The following KCNIP1 variants were observed in gnomAD, a reference collection of about 807,000 sequenced individuals.
KCNIP1 encodes potassium voltage-gated channel interacting protein 1, also known as A-type potassium channel modulatory protein KCNIP1.
KCNIP1 carries 18 observed loss-of-function variants against 33.0 expected under a neutral mutation model. The observed-to-expected ratio is 0.55, with a 90% CI of 0.38 to 0.81. The LOEUF (loss-of-function observed/expected upper bound fraction) is 0.81. Among genes scored for constraint, KCNIP1 ranks in the 30% least tolerant of loss-of-function variants. The pLI is 0.00. For missense variants in KCNIP1, 238 were observed against 271.6 expected (o/e 0.88, Z 0.87); for synonymous variants, 93 against 98.3 (o/e 0.95, Z 0.32).
chr5:170,680,092 G>T (rs1171838819), intron 1 of KCNIP1, among the ~76,000 whole-genome samples: 1 of 152,154 alleles, frequency 6.6e-6, no homozygotes, highest in Non-Finnish European at 1.5e-5. Flanking sequence ...ACACCAATAT[G>T]TGTGAAGTGC....
intron 5 of KCNIP1, among the ~76,000 whole-genome samples, chr5:170,723,274 C>T (rs1193484778): frequency 1.3e-5 from 2 of 152,192 alleles, no homozygotes; most frequent in African/African-American, 2.4e-5. Context: ...CCTATTAATA[C>T]AACCGCCAAG....
chr5:170,474,641 T>C (rs951777914), intron 1 of KCNIP1, among the ~76,000 whole-genome samples: 1 of 152,176 alleles, frequency 6.6e-6, no homozygotes, highest in African/African-American at 2.4e-5. Context: ...GTGGTATTAC[T>C]TGCATTTTGC....
chr5:170,656,992 CTTTCTT>C (rs752434128), intron 1 of KCNIP1, among the ~76,000 whole-genome samples: 1 of 116,440 alleles, frequency 8.6e-6, no homozygotes, highest in African/African-American at 3.6e-5. Flanking sequence ...TTTTTTCTTT[CTTTCTT>C]TTTTTTTTTT....
intron 1 of KCNIP1, among the ~76,000 whole-genome samples, chr5:170,438,970 T>G (rs886349132): frequency 6.6e-6 from 1 of 152,186 alleles, no homozygotes; most frequent in African/African-American, 2.4e-5. Context: ...TTCTGAGCAC[T>G]CTTCCCCTGG....
At position 170,479,672 on chromosome 5, in the gene KCNIP1, G is replaced by A. The variant is rs73311786; in HGVS notation, c.88+125708G>A. On this transcript the variant is annotated intron_variant, in intron 1 of 7. Transcript: ENST00000377360. ...ACTACAGTTCCATAAGGGTAATACCGAGTTGTTTTGCCCACATGGGGGCTC... is the reference window on the plus strand; with the variant it reads ...ACTACAGTTCCATAAGGGTAATACCAAGTTGTTTTGCCCACATGGGGGCTC... Among the ~76,000 whole-genome samples, 504 of 152,250 alleles carry A rather than the reference G, an allele frequency of 3.3e-3. 2 individuals are homozygous for A. Among genetic ancestry groups the A allele is most frequent in the African/African-American group, 0.012 (478 of 41,532 alleles).
rs76854639 is a variant in KCNIP1 at position 170,587,682 on chromosome 5, T to G, written c.61+83049T>G. On this transcript the variant is annotated intron_variant, in intron 1 of 7. Coordinates refer to ENST00000328939, the MANE Select transcript of KCNIP1 (RefSeq NM_014592.4). ...CTTCTGTCATCACATGGCCTTCCTCTGACCCTGAGCCTCTGCCTCCTTCTG... is the reference window on the plus strand; with the variant it reads ...CTTCTGTCATCACATGGCCTTCCTCGGACCCTGAGCCTCTGCCTCCTTCTG... Among the ~76,000 whole-genome samples the G allele has an allele frequency of 5.2e-3, 790 of 152,342 alleles. 8 individuals carry two copies. The highest frequency in any genetic ancestry group is 0.018 in the African/African-American group (740 of 41,574).
At chr5:170,548,967 C>G (rs1027239998) in intron 1 of KCNIP1, among the ~76,000 whole-genome samples, 1 of 152,186 alleles carries the variant, frequency 6.6e-6, no homozygotes, top group Admixed American at 6.5e-5. Flanking sequence ...GTACCTGTAG[C>G]ATGGGGGCTG....
chr5:170,480,314 G>A (rs1756949390), intron 1 of KCNIP1, among the ~76,000 whole-genome samples: 1 of 152,222 alleles, frequency 6.6e-6, no homozygotes, highest in Middle Eastern at 3.4e-3. Flanking sequence ...CCAGCTCTGG[G>A]GTTACTGATT....
chr5:170,700,584 C>A (rs747427359), intron 1 of KCNIP1, among the ~76,000 whole-genome samples: 2 of 152,086 alleles, frequency 1.3e-5, no homozygotes, highest in African/African-American at 4.8e-5. Flanking sequence ...AAATATTATT[C>A]ATTTAATATC....
chr5:170,645,839 C>T (rs966193009), intron 1 of KCNIP1, among the ~76,000 whole-genome samples: 1 of 152,046 alleles, frequency 6.6e-6, no homozygotes, highest in African/African-American at 2.4e-5. Context: ...TCCCAAAATA[C>T]TTGGAGATTA....
rs566237547 is a variant in KCNIP1, at chr5:170,401,606, C to A, written c.88+47642C>A. On this transcript the variant is annotated intron_variant, in intron 1 of 7. Coordinates refer to the KCNIP1 transcript ENST00000377360. ...TAGTGAGACCCCATCTCTACAATTT[C>A]TTTTAATGAGCCAGGCATGGTGGCG... Among the ~76,000 whole-genome samples the A allele has an allele frequency of 3.9e-5, 6 of 152,172 alleles. No individual in the cohort carries two copies. The East Asian group carries it at 5.8e-4, about 15-fold the overall frequency.
intron 1 of KCNIP1, among the ~76,000 whole-genome samples, chr5:170,457,360 C>G (rs1756407625): frequency 6.6e-6 from 1 of 152,192 alleles, no homozygotes; most frequent in Non-Finnish European, 1.5e-5. Flanking sequence ...CGGAGAGGCC[C>G]TGGAGGGGCA....
chr5:170,515,130 C>T (rs1755075274), intron 1 of KCNIP1, among the ~76,000 whole-genome samples: 1 of 152,202 alleles, frequency 6.6e-6, no homozygotes, highest in South Asian at 2.1e-4. Flanking sequence ...TTGGCCACTT[C>T]CAAAGCCCTT....
chr5:170,609,033 G>A (rs1184303773), intron 1 of KCNIP1, among the ~76,000 whole-genome samples: 1 of 152,124 alleles, frequency 6.6e-6, no homozygotes, highest in Non-Finnish European at 1.5e-5. Context: ...TCCCCTCAGT[G>A]TGATAGTAAT....
chr5:170,456,455 A>T (rs538492230), intron 1 of KCNIP1, among the ~76,000 whole-genome samples: 13 of 152,270 alleles, frequency 8.5e-5, no homozygotes, highest in Non-Finnish European at 1.9e-4. Flanking sequence ...CTGCACATGT[A>T]TCCCCAAACT....
intron 1 of KCNIP1, among the ~76,000 whole-genome samples, chr5:170,369,268 A>T (rs1763782974): frequency 6.6e-6 from 1 of 152,202 alleles, no homozygotes; most frequent in Non-Finnish European, 1.5e-5. Flanking sequence ...ATCCTGGTGT[A>T]TTTGTTTCCT....
intron 1 of KCNIP1, among the ~76,000 whole-genome samples, chr5:170,542,160 C>A (rs1021610078): frequency 2.0e-5 from 3 of 152,206 alleles, no homozygotes; most frequent in Non-Finnish European, 4.4e-5. Flanking sequence ...ACTTAAGCAA[C>A]AATTCAGATC....
In KCNIP1 at chr5:170,358,243, C is replaced by A. The variant is rs148997858; in HGVS notation, c.88+4279C>A. Among the ~76,000 whole-genome samples, 928 of 152,310 alleles carry A rather than the reference C, an allele frequency of 6.1e-3. 4 individuals are homozygous for A. The highest frequency in any genetic ancestry group is 0.03 in the South Asian group (146 of 4,826). On this transcript the variant is annotated intron_variant, in intron 1 of 7. Transcript: ENST00000377360. ...TCCAATCCAGGAGAGCTTCTAGTGT[C>A]CTCCAGGCCACCCATGAGGCTGCGG...
At chr5:170,361,027 G>A (rs980577596) in intron 1 of KCNIP1, among the ~76,000 whole-genome samples, 2 of 152,186 alleles carry the variant, frequency 1.3e-5, no homozygotes, top group African/African-American at 4.8e-5. Flanking sequence ...ATGAGACAAG[G>A]GTCAGTGCAA....
Sources: gnomAD v4.1 joint callset for allele counts (sites outside exome capture counted in the v4.1 genomes callset) on GRCh38, gnomAD v4.1.1 for gene constraint, MANE v1.5 for transcripts, NCBI Gene and HGNC (gene_info 2026-07-23, HGNC 2026-07-21) for gene names.